Variants in RORA observed in about 807,000 individuals in gnomAD.
RORA encodes the protein nuclear receptor ROR-alpha.
A neutral mutation model predicts 69.5 loss-of-function variants in RORA; 7 were observed. The ratio of observed to expected loss-of-function variants is 0.10; its 90% CI spans 0.06 to 0.19. The LOEUF is 0.19. Among genes scored for constraint, RORA ranks in the 10% least tolerant of loss-of-function variants. The pLI, the probability that RORA is intolerant of heterozygous loss-of-function variation, is 1.00. For missense variants in RORA, 457 were observed against 663.0 expected, an observed-to-expected ratio of 0.69 and a Z score of 3.41; for synonymous variants, 261 against 240.8, an observed-to-expected ratio of 1.08 and a Z score of -0.78.
At chr15:60,813,624 T>C (rs1008778009) in intron 1 of RORA, among the ~76,000 whole-genome samples, 1 of 151,252 alleles carries the variant, frequency 6.6e-6, no homozygotes. Context: ...TTAGCATACG[T>C]TGTGTGGCTG....
At chr15:60,829,315 C>G (rs2073008289) in intron 1 of RORA, among the ~76,000 whole-genome samples, 1 of 152,192 alleles carries the variant, frequency 6.6e-6, no homozygotes, top group South Asian at 2.1e-4. Context: ...CTACATCTCA[C>G]CGGGATGGAC....
At position 60,591,925 on chromosome 15, in the gene RORA, C is replaced by T. The variant is rs986819422; in HGVS notation, c.197-60074G>A. 1.3e-4 allele frequency among the ~76,000 whole-genome samples: 20 copies of T among 151,978 alleles called. 1 individual carries two copies. Among genetic ancestry groups the T allele is most frequent in the Admixed American group, 7.2e-4 (11 of 15,268 alleles). On this transcript the variant is annotated intron_variant, in intron 2 of 10. Coordinates refer to ENST00000335670, the MANE Select transcript of RORA (RefSeq NM_134261.3). The stretch of plus-strand genomic sequence containing the variant: ...CCAGTCCCCGGGGATGACATCGCGA[C>T]AACGCGCACGCACGGCCCTGCCCGG...
intron 3 of RORA, among the ~76,000 whole-genome samples, chr15:60,521,624 C>T (rs901543778): frequency 1.3e-5 from 2 of 152,136 alleles, no homozygotes; most frequent in East Asian, 1.9e-4. Context: ...GAGATTGATT[C>T]GAGTTTTCTG....
At chr15:60,763,613 CT>C (rs1205054591) in intron 1 of RORA, among the ~76,000 whole-genome samples, 7 of 152,126 alleles carry the variant, frequency 4.6e-5, no homozygotes, top group Non-Finnish European at 2.9e-5. Context: ...GTGGGACACA[CT>C]TTAGCATGAA....
At chr15:61,182,541 G>C (rs964368195) in intron 1 of RORA, among the ~76,000 whole-genome samples, 1 of 152,216 alleles carries the variant, frequency 6.6e-6, no homozygotes, top group South Asian at 2.1e-4. Context: ...ACAGAGCATC[G>C]CATGAAGCCA....
At chr15:61,105,433 CATG>C (rs2078938872) in intron 1 of RORA, among the ~76,000 whole-genome samples, 1 of 152,106 alleles carries the variant, frequency 6.6e-6, no homozygotes, top group Non-Finnish European at 1.5e-5. Context: ...CAGTGGTTCC[CATG>C]ATATTTCATA....
chr15:60,636,558 C>T (rs548075740), intron 2 of RORA, among the ~76,000 whole-genome samples: 1 of 152,240 alleles, frequency 6.6e-6, no homozygotes, highest in East Asian at 1.9e-4. Context: ...CTAACCAGTA[C>T]AAGACATAGA....
At chr15:60,692,035 T>C (rs980344687) in intron 1 of RORA, among the ~76,000 whole-genome samples, 5 of 152,192 alleles carry the variant, frequency 3.3e-5, no homozygotes, top group African/African-American at 1.2e-4. Context: ...GAAAACTATT[T>C]TGGAAACAGT....
chr15:60,604,383 C>T (rs559601230), intron 2 of RORA, among the ~76,000 whole-genome samples: 2 of 152,152 alleles, frequency 1.3e-5, no homozygotes, highest in East Asian at 3.9e-4. Flanking sequence ...ACACAAAATC[C>T]TCCAGTAATG....
At chr15:60,876,774 T>C (rs2073621492) in intron 1 of RORA, among the ~76,000 whole-genome samples, 1 of 152,224 alleles carries the variant, frequency 6.6e-6, no homozygotes, top group South Asian at 2.1e-4. Context: ...AGGTATCTGA[T>C]ATCATGAAAA....
At chr15:60,692,463 G>C (rs79884741) in intron 1 of RORA, among the ~76,000 whole-genome samples, 4 of 152,116 alleles carry the variant, frequency 2.6e-5, no homozygotes, top group Non-Finnish European at 4.4e-5. Context: ...GAACACAATA[G>C]CAATCACAAA....
At chr15:61,030,558 T>C (rs1896108815) in intron 1 of RORA, among the ~76,000 whole-genome samples, 2 of 151,902 alleles carry the variant, frequency 1.3e-5, no homozygotes, top group African/African-American at 4.8e-5. Flanking sequence ...GAAGGAAGAG[T>C]TGAAGCACAG....
intron 1 of RORA, among the ~76,000 whole-genome samples, chr15:60,754,217 C>A (rs1595687263): frequency 1.3e-5 from 2 of 152,212 alleles, no homozygotes; most frequent in Non-Finnish European, 2.9e-5. Flanking sequence ...TCATCGGCTG[C>A]TTTTCCACCT....
At chr15:60,959,193 T>C (rs564552779) in intron 1 of RORA, among the ~76,000 whole-genome samples, 2 of 152,348 alleles carry the variant, frequency 1.3e-5, no homozygotes, top group East Asian at 3.9e-4. Context: ...TTCCTTGCTT[T>C]TATGTCTACT....
intron 1 of RORA, among the ~76,000 whole-genome samples, chr15:60,718,535 T>C (rs1206982481): frequency 1.3e-5 from 2 of 152,228 alleles, no homozygotes; most frequent in Admixed American, 6.5e-5. Flanking sequence ...CGTCTGTGGT[T>C]TAATCACATT....
chr15:60,610,242 G>C (rs965266801), intron 2 of RORA, among the ~76,000 whole-genome samples: 2 of 150,534 alleles, frequency 1.3e-5, no homozygotes, highest in Admixed American at 1.3e-4. Context: ...CACAGTCCAG[G>C]GTCTGTGGGG....
Position 60,505,598 on chromosome 15 carries a change from A to G in RORA, c.852T>C (p.His284=). The G allele has an allele frequency of 6.2e-7, 1 of 1,614,036 alleles. No homozygotes were observed. The highest frequency in any genetic ancestry group is 1.6e-4 in the Middle Eastern group (1 of 6,062). ...CTCTCAAGTATTGGCAGGTTTCCAGATGCGATTTAGATATATTCTGTGCAA... is the reference window on the plus strand; with the variant it reads ...CTCTCAAGTATTGGCAGGTTTCCAGGTGCGATTTAGATATATTCTGTGCAA... ...EHLAQNISKS[H]LETCQYLREE... Residue 284 remains histidine (H), a synonymous_variant, in exon 6 of 11, where the codon CAT becomes CAC. Transcript: ENST00000335670.
At chr15:60,620,746 A>G (rs2069382014) in intron 2 of RORA, among the ~76,000 whole-genome samples, 1 of 152,220 alleles carries the variant, frequency 6.6e-6, no homozygotes, top group Non-Finnish European at 1.5e-5. Context: ...GTTTGGCTGG[A>G]GTGCTCCCAG....
chr15:60,857,046 A>G (rs1261094988), intron 1 of RORA, among the ~76,000 whole-genome samples: 1 of 152,132 alleles, frequency 6.6e-6, no homozygotes. Flanking sequence ...TCATTCCTCC[A>G]CTCTTCATTC....
Sources: allele counts gnomAD v4.1 joint callset (sites outside exome capture counted in the v4.1 genomes callset), GRCh38; gene constraint gnomAD v4.1.1; transcripts MANE v1.5; gene names NCBI Gene and HGNC (gene_info 2026-07-23, HGNC 2026-07-21).